Variants in MYO3B observed in about 807,000 individuals in gnomAD.
MYO3B encodes the protein myosin IIIB, also known as myosin-IIIb.
MYO3B carries 156 observed loss-of-function variants against 174.6 expected under a neutral mutation model. The ratio of observed to expected loss-of-function variants is 0.89; its 90% CI spans 0.78 to 1.02. MYO3B has a LOEUF of 1.02. MYO3B is among the 50% of genes least tolerant of loss of function. The pLI, the probability that MYO3B is intolerant of heterozygous loss-of-function variation, is 0.00. For missense variants in MYO3B, 1,632 were observed against 1,639.4 expected, an observed-to-expected ratio of 1.00 and a Z score of 0.08; for synonymous variants, 563 against 569.1, an observed-to-expected ratio of 0.99 and a Z score of 0.15.
chr2:170,377,680 CTGTT>C (rs1363023806), intron 9 of MYO3B, among the ~76,000 whole-genome samples: 3 of 152,176 alleles, frequency 2.0e-5, no homozygotes, highest in African/African-American at 7.2e-5. Context: ...CTCGCAAACT[CTGTT>C]TGTCTGAGAA....
intron 8 of MYO3B, among the ~76,000 whole-genome samples, chr2:170,351,352 T>C (rs1050708111): frequency 1.1e-4 from 16 of 152,162 alleles, no homozygotes; most frequent in African/African-American, 3.6e-4. Context: ...GATCCTGTGC[T>C]CTAACTGTAG....
chr2:170,310,733 G>A (rs190059731), intron 7 of MYO3B, among the ~76,000 whole-genome samples: 390 of 151,274 alleles, frequency 2.6e-3, no homozygotes, highest in Non-Finnish European at 4.4e-3. Context: ...CTTGAAGGTG[G>A]GGGATGGTTC....
At chr2:170,200,445 T>A (rs1190607545) in intron 3 of MYO3B, among the ~76,000 whole-genome samples, 161 bp downstream of exon 3, 1 of 152,216 alleles carries the variant, frequency 6.6e-6, no homozygotes, top group East Asian at 1.9e-4. Flanking sequence ...TCCACAGTTC[T>A]TACAGGTAGG....
intron 22 of MYO3B, among the ~76,000 whole-genome samples, chr2:170,433,297 G>A (rs2105889410): frequency 2.0e-5 from 3 of 152,280 alleles, no homozygotes; most frequent in Admixed American, 2.0e-4. Flanking sequence ...TAAATATGCT[G>A]GGTTTACTTA....
chr2:170,432,498 CA>C (rs1302150932), intron 22 of MYO3B, among the ~76,000 whole-genome samples: 5 of 150,596 alleles, frequency 3.3e-5, no homozygotes, highest in Non-Finnish European at 7.4e-5. Flanking sequence ...TCAAAAGAGT[CA>C]AAAAATTTTA....
intron 7 of MYO3B, among the ~76,000 whole-genome samples, chr2:170,319,689 C>A (rs2093801460): frequency 6.6e-6 from 1 of 152,018 alleles, no homozygotes; most frequent in South Asian, 2.1e-4. Flanking sequence ...TCAACAAACC[C>A]AAAGTAGCAT....
intron 23 of MYO3B, among the ~76,000 whole-genome samples, chr2:170,458,401 A>G (rs2105944369): frequency 6.6e-6 from 1 of 152,332 alleles, no homozygotes; most frequent in East Asian, 1.9e-4. Flanking sequence ...AGGTTTGTCA[A>G]TAGCAATCAC....
At chr2:170,219,424 A>T (rs1453803919) in intron 6 of MYO3B, among the ~76,000 whole-genome samples, 1 of 152,204 alleles carries the variant, frequency 6.6e-6, no homozygotes, top group Non-Finnish European at 1.5e-5. Context: ...CAGGCAGATC[A>T]TTTGAGATCA....
intron 7 of MYO3B, among the ~76,000 whole-genome samples, chr2:170,268,752 C>T (rs1007822489): frequency 1.3e-5 from 2 of 151,916 alleles, no homozygotes; most frequent in African/African-American, 2.4e-5. Context: ...ATATTTACAA[C>T]ACATATAACA....
chr2:170,274,968 T>C (rs1156681398), intron 7 of MYO3B, among the ~76,000 whole-genome samples: 1 of 152,214 alleles, frequency 6.6e-6, no homozygotes. Flanking sequence ...TATTGCTTTT[T>C]GACTTGCTTG....
chr2:170,630,968 CT>C (rs1474595602), intron 32 of MYO3B, among the ~76,000 whole-genome samples: 1 of 152,166 alleles, frequency 6.6e-6, no homozygotes, highest in Non-Finnish European at 1.5e-5. Flanking sequence ...AGTAGAAAAG[CT>C]GAAAATTCTA....
intron 16 of MYO3B, among the ~76,000 whole-genome samples, chr2:170,393,352 G>A (rs2094426224): frequency 6.6e-6 from 1 of 151,900 alleles, no homozygotes; most frequent in Admixed American, 6.6e-5. Flanking sequence ...CCAAAGTGCT[G>A]GGATTACAGG....
chr2:170,387,444 A>G, intron 14 of MYO3B, 136 bp downstream of exon 14: 1 of 814,312 alleles, frequency 1.2e-6, no homozygotes, highest in East Asian at 2.6e-5. Flanking sequence ...TTATTTAAGC[A>G]AAGGATCAGT....
chr2:170,448,564 A>G (rs1238658046), intron 23 of MYO3B, among the ~76,000 whole-genome samples: 1 of 152,192 alleles, frequency 6.6e-6, no homozygotes, highest in African/African-American at 2.4e-5. Context: ...CAAGGCTTAC[A>G]TGACAAGGGT....
At chr2:170,492,431 T>G (rs1201697511) in intron 25 of MYO3B, among the ~76,000 whole-genome samples, 1 of 152,234 alleles carries the variant, frequency 6.6e-6, no homozygotes, top group East Asian at 1.9e-4. Context: ...CATGTGGTAG[T>G]AGAGTCTGAA....
chr2:170,623,415 G>C (rs911342765), intron 32 of MYO3B, among the ~76,000 whole-genome samples: 1 of 152,060 alleles, frequency 6.6e-6, no homozygotes, highest in African/African-American at 2.4e-5. Flanking sequence ...TTTTTTGATG[G>C]GGTTGTTTGA....
chr2:170,314,119 C>A (rs527321518), intron 7 of MYO3B, among the ~76,000 whole-genome samples: 1 of 152,108 alleles, frequency 6.6e-6, no homozygotes, highest in African/African-American at 2.4e-5. Context: ...CTATTCCTGG[C>A]GCACATCTTT....
At chr2:170,238,228 T>C (rs2093093126) in intron 7 of MYO3B, among the ~76,000 whole-genome samples, 1 of 152,202 alleles carries the variant, frequency 6.6e-6, no homozygotes, top group Non-Finnish European at 1.5e-5. Flanking sequence ...AATGTATCCT[T>C]TCCCCAGAAA....
At chr2:170,272,492 G>A (rs190038422) in intron 7 of MYO3B, among the ~76,000 whole-genome samples, 4 of 152,138 alleles carry the variant, frequency 2.6e-5, no homozygotes, top group African/African-American at 9.7e-5. Flanking sequence ...TCTAAAGGGA[G>A]CCCAAGTTTT....
Sources: allele counts gnomAD v4.1 joint callset (sites outside exome capture counted in the v4.1 genomes callset), GRCh38; gene constraint gnomAD v4.1.1; transcripts MANE v1.5; gene names NCBI Gene and HGNC (gene_info 2026-07-23, HGNC 2026-07-21).